The following NRG3 variants were observed in gnomAD, a reference collection of about 807,000 sequenced individuals.
The protein encoded by NRG3 is pro-neuregulin-3, membrane-bound isoform.
A neutral mutation model predicts 66.9 loss-of-function variants in NRG3; 31 were observed. That is an observed-to-expected ratio of 0.46 (90% CI 0.35 to 0.63). The LOEUF is 0.63. NRG3 is among the 20% of genes least tolerant of loss of function. The pLI is 0.00. For missense variants in NRG3, 910 were observed against 878.9 expected (o/e 1.04, Z -0.45); for synonymous variants, 393 against 359.4 (o/e 1.09, Z -1.06).
intron 2 of NRG3, among the ~76,000 whole-genome samples, chr10:82,521,890 T>G (rs1046451259): frequency 1.3e-5 from 2 of 150,858 alleles, no homozygotes; most frequent in Non-Finnish European, 1.5e-5. Context: ...AAGAAACCAC[T>G]TTCTTTGTTC....
At chr10:82,121,408 A>G (rs2068080638) in intron 1 of NRG3, among the ~76,000 whole-genome samples, 1 of 152,162 alleles carries the variant, frequency 6.6e-6, no homozygotes, top group Non-Finnish European at 1.5e-5. Flanking sequence ...AACTTGGAAG[A>G]AATAGTCCCT....
At chr10:82,905,145 A>G (rs1284486518) in intron 4 of NRG3, among the ~76,000 whole-genome samples, 2 of 152,206 alleles carry the variant, frequency 1.3e-5, no homozygotes, top group East Asian at 3.8e-4. Context: ...ATATTTACCC[A>G]TGGTCTTTAT....
At chr10:82,967,137 TTATATA>T (rs149462086) in intron 6 of NRG3, among the ~76,000 whole-genome samples, 4 of 147,912 alleles carry the variant, frequency 2.7e-5, no homozygotes, top group African/African-American at 9.8e-5. Flanking sequence ...ATCAAAGATT[TTATATA>T]TATATATATG....
chr10:82,354,438 T>C (rs2135545661), intron 1 of NRG3, among the ~76,000 whole-genome samples: 1 of 151,532 alleles, frequency 6.6e-6, no homozygotes, highest in African/African-American at 2.4e-5. Context: ...TTACCCAGGC[T>C]AGAGTGCAAT....
At chr10:82,370,607 T>G (rs1300828517) in intron 2 of NRG3, among the ~76,000 whole-genome samples, 1 of 104,772 alleles carries the variant, frequency 9.5e-6, no homozygotes, top group Non-Finnish European at 1.7e-5. Flanking sequence ...TTCAACCCAG[T>G]ATTTTCCCAT....
In NRG3 at chr10:81,928,919, C is replaced by T. The variant is rs374215189; in HGVS notation, c.823+52756C>T. Reference sequence around the variant, plus strand: ...TCACTGCAACCTGGCCCTCCAGGGCCCAAGTGATCCTCCCACCTGAGCCTT... The same window carrying T: ...TCACTGCAACCTGGCCCTCCAGGGCTCAAGTGATCCTCCCACCTGAGCCTT... On this transcript the variant is annotated intron_variant, in intron 1 of 8. Coordinates refer to ENST00000372141, the MANE Select transcript of NRG3 (RefSeq NM_001010848.4). Among the ~76,000 whole-genome samples the T allele has an allele frequency of 9.2e-5, 14 of 152,126 alleles. No homozygotes were observed. In the East Asian group the frequency reaches 1.9e-3, roughly 21 times the overall value.
At chr10:82,344,212 G>A (rs4098233) in intron 1 of NRG3, among the ~76,000 whole-genome samples, 24,779 of 146,760 alleles carry the variant, frequency 0.17, 2,229 homozygotes, top group East Asian at 0.29. Context: ...ATCCCTCCCC[G>A]CTCCCCACAC....
intron 6 of NRG3, among the ~76,000 whole-genome samples, chr10:82,971,937 T>C (rs1851791352): frequency 6.6e-6 from 1 of 152,180 alleles, no homozygotes; most frequent in Non-Finnish European, 1.5e-5. Context: ...GGTATATCTT[T>C]ACCAATTCTG....
chr10:82,366,380 T>G (rs2084524663), intron 2 of NRG3, among the ~76,000 whole-genome samples: 1 of 152,132 alleles, frequency 6.6e-6, no homozygotes, highest in Non-Finnish European at 1.5e-5. Context: ...GGTTTAAAAG[T>G]GGGGAGGGGC....
At chr10:82,517,996 TTGGGGAA>T (rs1565017131) in intron 2 of NRG3, among the ~76,000 whole-genome samples, 1 of 152,102 alleles carries the variant, frequency 6.6e-6, no homozygotes. Flanking sequence ...CTACGCGTAT[TTGGGGAA>T]ACACATTGGC....
intron 2 of NRG3, among the ~76,000 whole-genome samples, chr10:82,538,687 C>G (rs2043329593): frequency 6.6e-6 from 1 of 151,690 alleles, no homozygotes; most frequent in African/African-American, 2.4e-5. Context: ...AGAATCTCCA[C>G]ATTTTTTTTC....
At chr10:82,251,635 A>T (rs2077494268) in intron 1 of NRG3, among the ~76,000 whole-genome samples, 1 of 151,888 alleles carries the variant, frequency 6.6e-6, no homozygotes, top group Admixed American at 6.6e-5. Flanking sequence ...TAACACTTTG[A>T]TTTTTTTTCT....
intron 4 of NRG3, among the ~76,000 whole-genome samples, chr10:82,890,965 A>G (rs972328268): frequency 6.6e-6 from 1 of 152,088 alleles, no homozygotes; most frequent in African/African-American, 2.4e-5. Flanking sequence ...ATTTTCTGAT[A>G]GATTTCTTAT....
chr10:82,582,605 C>T (rs1331992485), intron 2 of NRG3, among the ~76,000 whole-genome samples: 2 of 151,610 alleles, frequency 1.3e-5, no homozygotes, highest in African/African-American at 4.8e-5. Context: ...CAACATATAT[C>T]TGCATCTGGA....
intron 1 of NRG3, among the ~76,000 whole-genome samples, chr10:82,090,741 T>C (rs2065981398): frequency 1.1e-5 from 1 of 92,546 alleles, no homozygotes; most frequent in African/African-American, 4.1e-5. Context: ...ACAAGACTTA[T>C]TACCATTTGA....
intron 1 of NRG3, among the ~76,000 whole-genome samples, chr10:82,208,508 T>G (rs769620449): frequency 1.6e-4 from 25 of 152,104 alleles, no homozygotes; most frequent in Non-Finnish European, 3.4e-4. Context: ...CTCTTTGTCC[T>G]GTAGATGAGC....
At chr10:82,318,022 A>G (rs1369760935) in intron 1 of NRG3, among the ~76,000 whole-genome samples, 1 of 152,172 alleles carries the variant, frequency 6.6e-6, no homozygotes, top group Non-Finnish European at 1.5e-5. Flanking sequence ...ATAAGATAAC[A>G]TAGACAAAAT....
At chr10:82,151,981 A>G (rs1029518343) in intron 1 of NRG3, among the ~76,000 whole-genome samples, 2 of 152,228 alleles carry the variant, frequency 1.3e-5, no homozygotes, top group African/African-American at 4.8e-5. Flanking sequence ...AGAATATAAA[A>G]TACGTTAGCA....
At chr10:81,903,886 A>G (rs1050272800) in intron 1 of NRG3, among the ~76,000 whole-genome samples, 2 of 152,116 alleles carry the variant, frequency 1.3e-5, no homozygotes, top group African/African-American at 2.4e-5. Context: ...GCAGTTATCA[A>G]TGTGCTTAAG....
Sources: gnomAD v4.1 joint callset for allele counts (sites outside exome capture counted in the v4.1 genomes callset) on GRCh38, gnomAD v4.1.1 for gene constraint, MANE v1.5 for transcripts, NCBI Gene and HGNC (gene_info 2026-07-23, HGNC 2026-07-21) for gene names.